Variants in RSL24D1 observed in about 807,000 individuals in gnomAD.
RSL24D1 encodes ribosomal L24 domain containing 1.
RSL24D1 carries 6 observed loss-of-function variants against 26.2 expected under a neutral mutation model. The ratio of observed to expected loss-of-function variants is 0.23; its 90% confidence interval spans 0.13 to 0.45. The LOEUF is 0.45. Among genes scored for constraint, RSL24D1 ranks in the 20% least tolerant of loss-of-function variants. The pLI is 0.99. For missense variants in RSL24D1, 176 were observed against 202.6 expected (o/e 0.87, Z 0.80); for synonymous variants, 61 against 59.1 (o/e 1.03, Z -0.15).
At chr15:55,192,963 A>G in intron 1 of RSL24D1, 130 bp from the exon 2 acceptor site, 1 of 592,122 alleles carries the variant, frequency 1.7e-6, no homozygotes, top group Non-Finnish European at 3.0e-6. Flanking sequence ...AAGATATATC[A>G]GATTAAATGG....
At chr15:55,183,113 A>T (rs1894187541) in intron 5 of RSL24D1, among the ~76,000 whole-genome samples, 2 of 152,254 alleles carry the variant, frequency 1.3e-5, no homozygotes, top group African/African-American at 4.8e-5. Context: ...TGGAACATAG[A>T]ATTCAATGAA....
Position 55,181,937 on chromosome 15 carries a change from T to C in RSL24D1, c.*215A>G, listed in dbSNP as rs1894171362. 2 of 459,752 alleles carry C rather than the reference T, an allele frequency of 4.4e-6. No individual in the cohort carries two copies. Among genetic ancestry groups the C allele is most frequent in the Non-Finnish European group, 7.8e-6 (2 of 257,874 alleles). The allele number at this position is 459,752 out of a possible 1,614,324, so 28.5% of individuals were successfully genotyped here. A position where few individuals can be genotyped will look rare whatever the true frequency, so the allele number is the denominator to read the frequency against. The stretch of plus-strand genomic sequence containing the variant: ...TCTATAGTTACAAGTAGAATTTTCA[T>C]GATTTACTTAAGTACATCTATCAGT... On this transcript the variant is annotated 3_prime_UTR_variant, in exon 6 of 6. Transcript: ENST00000260443.
intron 1 of RSL24D1, among the ~76,000 whole-genome samples, chr15:55,196,137 A>C (rs957616619): frequency 6.6e-6 from 1 of 152,176 alleles, no homozygotes; most frequent in Non-Finnish European, 1.5e-5. Context: ...TTACAGACTT[A>C]TTATACTTGT....
At chr15:55,185,329 T>A in intron 4 of RSL24D1, 33 bp downstream of exon 4, 1 of 1,521,972 alleles carries the variant, frequency 6.6e-7, no homozygotes, top group Non-Finnish European at 8.8e-7. Flanking sequence ...TAGTAATTAT[T>A]TTCCAAAAGT....
intron 1 of RSL24D1, chr15:55,195,210 A>C (rs1025500913): frequency 6.6e-6 from 1 of 152,120 alleles, no homozygotes; most frequent in Non-Finnish European, 1.5e-5. Flanking sequence ...GTTTCTAGCA[A>C]AACTATCCGG....
Position 55,190,882 on chromosome 15 carries a change from T to C in RSL24D1, c.268+93A>G. On this transcript the variant is annotated intron_variant, in intron 3 of 5. Coordinates refer to ENST00000260443, the MANE Select transcript of RSL24D1 (RefSeq NM_016304.3). ...AAGCCAAGGAATGATAAATGGAAAA[T>C]TCAATATTTAAACAACAAACTGACA... 8 of 799,458 alleles carry C rather than the reference T, an allele frequency of 1.0e-5. No individual in the cohort carries two copies. In the South Asian group the frequency reaches 1.3e-4, roughly 13 times the overall value. The allele number at this position is 799,458 out of a possible 1,614,324, so 49.5% of individuals were successfully genotyped here. A position where few individuals can be genotyped will look rare whatever the true frequency, so the allele number is the denominator to read the frequency against.
At position 55,196,854 on chromosome 15, in the gene RSL24D1, T is replaced by C. The variant is rs371629101; in HGVS notation, c.37A>G (p.Ile13Val). ...AACATCATGCCGTGTCCAGGATAGATGGGCCCCGAACAGAAATAACACTTT... is the reference window on the plus strand; with the variant it reads ...AACATCATGCCGTGTCCAGGATAGACGGGCCCCGAACAGAAATAACACTTT... ...IEKCYFCSGP[I>V]YPGHGMMFVR... is the part of the protein sequence containing the mutation. Residue 13 changes from isoleucine (I) to valine (V), a missense_variant, in exon 1 of 6, where the codon ATC becomes GTC. Ile to Val is a conservative substitution (Grantham distance 29, BLOSUM62 3). Transcript: ENST00000260443. 8 of 1,614,058 alleles carry C rather than the reference T, an allele frequency of 5.0e-6. No individual in the cohort carries two copies. The highest frequency in any genetic ancestry group is 1.7e-5 in the Admixed American group (1 of 60,006).
rs546838989 is a variant in RSL24D1 at position 55,196,608 on chromosome 15, C to T, written c.81+202G>A. On this transcript the variant is annotated intron_variant, in intron 1 of 5. Transcript: ENST00000260443. ...CGCCACCCAAGGGTGGCGTGGTGGC[C>T]AGCGCCGCTCGGAAGACGGGCAAGG... is the stretch of plus-strand genomic sequence containing the variant. The T allele has an allele frequency of 1.3e-3, 787 of 603,848 alleles. 3 individuals are homozygous for T. The highest frequency in any genetic ancestry group is 2.4e-3 in the Middle Eastern group (7 of 2,870). The allele number at this position is 603,848 out of a possible 1,614,324, so 37.4% of individuals were successfully genotyped here.
intron 3 of RSL24D1, among the ~76,000 whole-genome samples, chr15:55,190,190 G>C (rs1894277134): frequency 6.8e-6 from 1 of 148,012 alleles, no homozygotes; most frequent in African/African-American, 2.5e-5. Context: ...AGTGATTGCA[G>C]TGAGCCGAGA....
intron 3 of RSL24D1, among the ~76,000 whole-genome samples, chr15:55,189,081 TA>T (rs1262046580): frequency 1.3e-5 from 2 of 151,046 alleles, no homozygotes; most frequent in Admixed American, 1.3e-4. Flanking sequence ...TAGTCCCAGC[TA>T]CTCGGGAGGC....
chr15:55,182,001 A>T lies in RSL24D1; in HGVS notation c.*151T>A. On this transcript the variant is annotated 3_prime_UTR_variant, in exon 6 of 6. Transcript: ENST00000260443. ...TGAGATGCAATCTAACATCCGTAAT[A>T]TCTGATATTATGTAGATGGCAATGC... The T allele has an allele frequency of 1.8e-6, 1 of 569,152 alleles. No individual in the cohort carries two copies. The highest frequency in any genetic ancestry group is 3.2e-6 in the Non-Finnish European group (1 of 315,878). 35.3% of individuals were successfully genotyped at this position (569,152 alleles called of 1,614,324 possible). A position where few individuals can be genotyped will look rare whatever the true frequency, so the allele number is the denominator to read the frequency against.
intron 3 of RSL24D1, among the ~76,000 whole-genome samples, chr15:55,188,720 G>A (rs1037088734): frequency 6.6e-6 from 1 of 152,182 alleles, no homozygotes; most frequent in African/African-American, 2.4e-5. Context: ...GAGGACCATG[G>A]AACTGATTAT....
At chr15:55,191,117 G>A (rs1271190279) in intron 2 of RSL24D1, 70 bp from the exon 3 acceptor site, 3 of 1,079,844 alleles carry the variant, frequency 2.8e-6, no homozygotes, top group Admixed American at 2.5e-5. Context: ...TTCTTAAAAC[G>A]TCTTCCTTTT....
At chr15:55,187,424 T>C (rs146719655) in intron 3 of RSL24D1, among the ~76,000 whole-genome samples, 1 of 152,224 alleles carries the variant, frequency 6.6e-6, no homozygotes. Flanking sequence ...TATTCCAGAA[T>C]ACTGAAATAT....
rs1894165151 is a variant in RSL24D1, at chr15:55,181,435, T to G, written c.*717A>C. On this transcript the variant is annotated 3_prime_UTR_variant, in exon 6 of 6. Coordinates refer to ENST00000260443, the MANE Select transcript of RSL24D1 (RefSeq NM_016304.3). ...CCACATAACAACTTTTAAAAGGCGCTGGGATTCCTCTGCTTCTAGATCAAT... is the reference window on the plus strand; with the variant it reads ...CCACATAACAACTTTTAAAAGGCGCGGGGATTCCTCTGCTTCTAGATCAAT... The G allele has an allele frequency of 6.6e-6, 1 of 152,670 alleles. No homozygotes were observed. The highest frequency in any genetic ancestry group is 2.4e-5 in the African/African-American group (1 of 41,462). The allele number at this position is 152,670 out of a possible 1,614,324, so 9.5% of individuals were successfully genotyped here.
rs917721379 is a variant in RSL24D1 at position 55,180,921 on chromosome 15, A to G, written c.*1231T>C. ...CATTTCCCCTAATCTTCAATCAATA[A>G]TATTATTTACAAATAAGAATACCCA... is the stretch of plus-strand genomic sequence containing the variant. On this transcript the variant is annotated 3_prime_UTR_variant, in exon 6 of 6. Coordinates refer to ENST00000260443, the MANE Select transcript of RSL24D1 (RefSeq NM_016304.3). 1 of 152,188 alleles carries G rather than the reference A, an allele frequency of 6.6e-6. No homozygotes were observed. Among genetic ancestry groups the G allele is most frequent in the Non-Finnish European group, 1.5e-5 (1 of 68,028 alleles). The allele number at this position is 152,188 out of a possible 1,614,324, so 9.4% of individuals were successfully genotyped here.
At chr15:55,182,267 G>A (rs1894176592) in intron 5 of RSL24D1, 42 bp from the exon 6 acceptor site, 2 of 1,247,678 alleles carry the variant, frequency 1.6e-6, no homozygotes, top group African/African-American at 1.5e-5. Context: ...TTAATTAAAT[G>A]TGACCTTACA....
rs113870961 is a variant in RSL24D1, at chr15:55,189,959, G to A, written c.268+1016C>T. On this transcript the variant is annotated intron_variant, in intron 3 of 5. Coordinates refer to ENST00000260443, the MANE Select transcript of RSL24D1 (RefSeq NM_016304.3). The stretch of plus-strand genomic sequence containing the variant: ...GTAGCCATGGGAAGAAAAGAAGGCC[G>A]GGCCGGTGCCAGGCATGGTGGCTCA... 7.4e-3 allele frequency among the ~76,000 whole-genome samples: 1,122 copies of A among 152,180 alleles called. 8 individuals are homozygous for A. The highest frequency in any genetic ancestry group is 8.5e-3 in the Non-Finnish European group (577 of 67,982).
intron 1 of RSL24D1, chr15:55,194,258 G>A (rs959239752): frequency 3.3e-5 from 5 of 152,136 alleles, no homozygotes; most frequent in Non-Finnish European, 7.4e-5. Context: ...TTGTACTAGT[G>A]CTAAGGATAC....
Sources: gnomAD v4.1 joint callset for allele counts (sites outside exome capture counted in the v4.1 genomes callset) on GRCh38, gnomAD v4.1.1 for gene constraint, MANE v1.5 for transcripts, NCBI Gene and HGNC (gene_info 2026-07-23, HGNC 2026-07-21) for gene names.